Variants in LAMA4 observed in about 807,000 individuals in gnomAD.
The protein encoded by LAMA4 is laminin subunit alpha-4.
Under a neutral mutation model 207.1 loss-of-function variants are expected in LAMA4, and 127 were observed. That is an observed-to-expected ratio of 0.61 (90% CI 0.53 to 0.71). The LOEUF (loss-of-function observed/expected upper bound fraction) is 0.71, where lower values mean the gene tolerates loss of function less well. Among genes scored for constraint, LAMA4 ranks in the 30% least tolerant of loss-of-function variants. The pLI is 0.00. For missense variants in LAMA4, 2,093 were observed against 2,246.5 expected, an observed-to-expected ratio of 0.93 and a Z score of 1.38; for synonymous variants, 761 against 816.0, an observed-to-expected ratio of 0.93 and a Z score of 1.15.
At chr6:112,245,727 T>C (rs1786863979) in intron 2 of LAMA4, among the ~76,000 whole-genome samples, 1 of 152,158 alleles carries the variant, frequency 6.6e-6, no homozygotes, top group African/African-American at 2.4e-5. Context: ...TCATCAGTTC[T>C]CATGAAGTAA....
chr6:112,223,057 TCTC>T (rs1430721271), intron 2 of LAMA4, among the ~76,000 whole-genome samples: 1 of 152,154 alleles, frequency 6.6e-6, no homozygotes, highest in African/African-American at 2.4e-5. Context: ...TAGAAATAAA[TCTC>T]CTGCTAACAT....
intron 4 of LAMA4, among the ~76,000 whole-genome samples, chr6:112,202,444 G>GTGTA (rs1783809327): frequency 3.6e-5 from 1 of 27,436 alleles, no homozygotes; most frequent in African/African-American, 6.5e-4. Flanking sequence ...GGGCATAGGG[G>GTGTA]TGTGTGTGTG....
chr6:112,235,587 C>T (rs549336222), intron 2 of LAMA4, among the ~76,000 whole-genome samples: 1 of 152,112 alleles, frequency 6.6e-6, no homozygotes, highest in Non-Finnish European at 1.5e-5. Context: ...TCACTGTGTA[C>T]AGGAGGAATA....
At chr6:112,213,411 G>C (rs1323892029) in intron 3 of LAMA4, 1 of 152,102 alleles carries the variant, frequency 6.6e-6, no homozygotes, top group Non-Finnish European at 1.5e-5. Context: ...CCTTTATAGA[G>C]AGCCAGCCAT....
At chr6:112,151,534 T>C (rs1198094903) in intron 16 of LAMA4, among the ~76,000 whole-genome samples, 6 of 152,176 alleles carry the variant, frequency 3.9e-5, no homozygotes, top group Non-Finnish European at 7.4e-5. Context: ...ATCATTTATA[T>C]ATAAATTCTT....
At chr6:112,143,573 C>T (rs782762114) in intron 19 of LAMA4, among the ~76,000 whole-genome samples, 33 of 152,096 alleles carry the variant, frequency 2.2e-4, no homozygotes, top group African/African-American at 4.8e-4. Flanking sequence ...CATGAGCCAC[C>T]GCACCCGGCC....
chr6:112,140,813 G>A lies in LAMA4; in HGVS notation c.2923C>T (p.Leu975=). The stretch of plus-strand genomic sequence containing the variant: ...TAAAACACTGTGTCCTCAGGGTCCA[G>A]GTCCAGCAGAGAGTCATCTCCCGAA... ...EFSGDDSLLD[L]DPEDTVFYVG... Residue 975 remains leucine (L), a synonymous_variant, in exon 22 of 39, where the codon CTG becomes TTG. Coordinates refer to ENST00000230538, the MANE Select transcript of LAMA4 (RefSeq NM_001105206.3). 6.2e-7 allele frequency: 1 copy of A among 1,614,024 alleles called. No individual in the cohort carries two copies. The highest frequency in any genetic ancestry group is 1.7e-5 in the Admixed American group (1 of 60,018).
chr6:112,179,192 C>T (rs1474521520), intron 9 of LAMA4: 1 of 152,008 alleles, frequency 6.6e-6, no homozygotes, highest in African/African-American at 2.4e-5. Flanking sequence ...TCAGAGATCT[C>T]ACACAGTATT....
intron 2 of LAMA4, among the ~76,000 whole-genome samples, chr6:112,220,734 A>C (rs782620661): frequency 2.0e-5 from 3 of 152,164 alleles, no homozygotes; most frequent in Non-Finnish European, 4.4e-5. Flanking sequence ...CTGTCATTGG[A>C]TATAACATTT....
chr6:112,214,008 C>A, intron 3 of LAMA4: 1 of 762,324 alleles, frequency 1.3e-6, no homozygotes, highest in Non-Finnish European at 2.4e-6. Context: ...CTCTGGCTCC[C>A]TGAGAGCTGA....
chr6:112,198,662 G>A (rs1783558763), intron 5 of LAMA4, among the ~76,000 whole-genome samples: 1 of 152,146 alleles, frequency 6.6e-6, no homozygotes, highest in South Asian at 2.1e-4. Context: ...AAGGACATAA[G>A]TGATAATTAA....
chr6:112,134,510 C>A lies in LAMA4; in HGVS notation c.3514G>T (p.Asp1172Tyr), dbSNP rs1210063833. The change falls in exon 26 of 39, where the codon GAT (aspartate) becomes TAT (tyrosine). Residue 1172 changes from aspartate to tyrosine, a missense_variant. Asp to Tyr is a radical substitution (Grantham distance 160, BLOSUM62 -3). Around this residue, in one of 3 missense-constraint regions of LAMA4, gnomAD observed 1,704 missense variants for 1,788.4 expected, o/e 0.95. Transcript: ENST00000230538. The stretch of plus-strand genomic sequence containing the variant: ...GGAGGAGCTCCTCCAATGTATATAT[C>A]TGTAAAAGGTATTTTCATCTTTTCA... ...DNEKMKIPFT[D>Y]IYIGGAPPEI... 6.2e-7 allele frequency: 1 copy of A among 1,613,198 alleles called. No individual in the cohort carries two copies. Among genetic ancestry groups the A allele is most frequent in the Non-Finnish European group, 8.5e-7 (1 of 1,179,414 alleles).
At chr6:112,184,547 T>G (rs576733849) in intron 9 of LAMA4, among the ~76,000 whole-genome samples, 11 of 152,316 alleles carry the variant, frequency 7.2e-5, no homozygotes, top group African/African-American at 2.6e-4. Context: ...TTTTTCTCTG[T>G]CTAGTTGTCT....
Position 112,207,412 on chromosome 6 carries a change from A to G in LAMA4, c.298-267T>C, listed in dbSNP as rs17073566. ...ACTCTAGAGTTTGTGTGCAGAGGAGATTATTCATCAGTTACTTATTTCAGT... is the reference window on the plus strand; with the variant it reads ...ACTCTAGAGTTTGTGTGCAGAGGAGGTTATTCATCAGTTACTTATTTCAGT... On this transcript the variant is annotated intron_variant, in intron 3 of 38. Coordinates refer to ENST00000230538, the MANE Select transcript of LAMA4 (RefSeq NM_001105206.3). 0.055 allele frequency among the ~76,000 whole-genome samples: 8,320 copies of G among 152,096 alleles called. 715 individuals are homozygous for G. The highest frequency in any genetic ancestry group is 0.19 in the African/African-American group (7,781 of 41,446).
Position 112,178,136 on chromosome 6 carries a change from T to C in LAMA4, c.1174A>G (p.Arg392Gly), listed in dbSNP as rs1782130427. The change falls in exon 10 of 39, where the codon AGG (arginine) becomes GGG (glycine). Residue 392 changes from arginine to glycine, a missense_variant. Around this residue, in one of 3 missense-constraint regions of LAMA4, gnomAD observed 1,704 missense variants for 1,788.4 expected, o/e 0.95. Coordinates refer to ENST00000230538, the MANE Select transcript of LAMA4 (RefSeq NM_001105206.3). ...ATATATTTACCTTGGATTTTATCCC[T>C]CATATCATGGGCTTGCTCTACCAGC... The part of the protein sequence containing the change: ...SQLVEQAHDM[R>G]DKIQEINNKM... The C allele has an allele frequency of 6.2e-7, 1 of 1,611,066 alleles. No individual in the cohort carries two copies. The highest frequency in any genetic ancestry group is 1.1e-5 in the South Asian group (1 of 91,014).
At chr6:112,151,831 C>T (rs1029978408) in intron 16 of LAMA4, among the ~76,000 whole-genome samples, 5 of 151,458 alleles carry the variant, frequency 3.3e-5, no homozygotes, top group South Asian at 2.1e-4. Context: ...CTCAGTTTGC[C>T]GAAAGTCTTT....
intron 3 of LAMA4, among the ~76,000 whole-genome samples, chr6:112,215,411 C>T (rs1784570368): frequency 1.3e-5 from 2 of 152,134 alleles, no homozygotes; most frequent in African/African-American, 4.8e-5. Flanking sequence ...CATGTACACA[C>T]CTAAGAGGCC....
chr6:112,113,516 C>T (rs1202024309), intron 38 of LAMA4, among the ~76,000 whole-genome samples: 3 of 152,286 alleles, frequency 2.0e-5, no homozygotes, highest in East Asian at 1.9e-4. Flanking sequence ...TGTCACCATC[C>T]GGGATTATAC....
rs10452631 is a variant in LAMA4, at chr6:112,120,625, A to G, written c.4476-153T>C. On this transcript the variant is annotated intron_variant, in intron 32 of 38. Transcript: ENST00000230538. Reference sequence around the variant, plus strand: ...ATTCCACACTTAGTATTATTAATGAATATTAAATTAGCATGGCTAGTTCAA... The same window carrying G: ...ATTCCACACTTAGTATTATTAATGAGTATTAAATTAGCATGGCTAGTTCAA... 0.063 allele frequency among the ~76,000 whole-genome samples: 9,632 copies of G among 152,300 alleles called. 980 individuals carry two copies. Among genetic ancestry groups the G allele is most frequent in the African/African-American group, 0.22 (8,973 of 41,542 alleles).
Sources: gnomAD v4.1 joint callset for allele counts (sites outside exome capture counted in the v4.1 genomes callset) on GRCh38, gnomAD v4.1.1 for gene constraint, gnomAD v4.1.1 regional missense constraint, MANE v1.5 for transcripts, NCBI Gene and HGNC (gene_info 2026-07-23, HGNC 2026-07-21) for gene names.